The following HDAC1 variants were observed in gnomAD, a reference collection of about 807,000 sequenced individuals.
The protein encoded by HDAC1 is protein deacetylase HDAC1.
HDAC1 carries 18 observed loss-of-function variants against 65.5 expected under a neutral mutation model. The ratio of observed to expected loss-of-function variants is 0.27; its 90% CI spans 0.19 to 0.41. HDAC1 has a LOEUF of 0.41. Ranked by LOEUF, HDAC1 falls within the 10% of genes least tolerant of loss-of-function variation. HDAC1 has a pLI of 1.00. For synonymous variants in HDAC1, 211 were observed against 227.9 expected (o/e 0.93, Z 0.67); for missense variants, 373 against 625.2 (o/e 0.60, Z 4.30).
intron 12 of HDAC1, 51 bp downstream of exon 12, chr1:32,332,293 C>A (rs1317928919): frequency 2.0e-6 from 3 of 1,534,196 alleles, no homozygotes; most frequent in South Asian, 1.2e-5. Flanking sequence ...GAGGATGAAT[C>A]TATGTAGGGC....
At chr1:32,297,372 C>G (rs916883496) in intron 1 of HDAC1, among the ~76,000 whole-genome samples, 4 of 152,054 alleles carry the variant, frequency 2.6e-5, no homozygotes, top group African/African-American at 9.7e-5. Context: ...TGAGACCTCC[C>G]CCAGCTCTAC....
At chr1:32,299,214 T>C (rs59077963) in intron 1 of HDAC1, among the ~76,000 whole-genome samples, 9,785 of 152,126 alleles carry the variant, frequency 0.064, 1,037 homozygotes, top group African/African-American at 0.22. Context: ...TGTGCTCCCC[T>C]GTCATAGCAT....
At chr1:32,309,595 G>A (rs1023282565) in intron 2 of HDAC1, among the ~76,000 whole-genome samples, 1 of 148,486 alleles carries the variant, frequency 6.7e-6, no homozygotes, top group Admixed American at 6.9e-5. Flanking sequence ...GCTGAGGCAG[G>A]AAAATCGCTT....
At chr1:32,314,218 G>C (rs1181793973) in intron 2 of HDAC1, among the ~76,000 whole-genome samples, 3 of 152,044 alleles carry the variant, frequency 2.0e-5, no homozygotes, top group Non-Finnish European at 4.4e-5. Context: ...TTGAGACGGG[G>C]TCTTGCTCTG....
intron 2 of HDAC1, among the ~76,000 whole-genome samples, chr1:32,312,927 C>T (rs566661490): frequency 2.5e-4 from 38 of 152,230 alleles, no homozygotes; most frequent in Non-Finnish European, 4.4e-4. Context: ...CCTCCCACCT[C>T]GGCCTCCCAA....
At position 32,310,065 on chromosome 1, in the gene HDAC1, G is replaced by C. The variant is rs940797131; in HGVS notation, c.163-6600G>C. Among the ~76,000 whole-genome samples, 21 of 152,328 alleles carry C rather than the reference G, an allele frequency of 1.4e-4. No homozygotes were observed. In the East Asian group the frequency reaches 3.1e-3, roughly 22 times the overall value. On this transcript the variant is annotated intron_variant, in intron 2 of 13. Transcript: ENST00000373548. ...AAAGTATTTTAAGGGCATTAGGTTA[G>C]TGGCCAACCTTTAAAAAATGAAATT... is the stretch of plus-strand genomic sequence containing the variant.
chr1:32,316,731 C>G lies in HDAC1; in HGVS notation c.229C>G (p.Arg77Gly). The G allele has an allele frequency of 5.6e-6, 9 of 1,613,800 alleles. No homozygotes were observed. Among genetic ancestry groups the G allele is most frequent in the Non-Finnish European group, 7.6e-6 (9 of 1,179,728 alleles). ...YHSDDYIKFL[R>G]SIRPDNMSEY... ...CAGCGATGACTACATTAAATTCTTG[C>G]GCTCCATCCGTCCAGATAACATGTC... Residue 77 changes from arginine (R) to glycine (G), a missense_variant, in exon 3 of 14, where the codon CGC (arginine) becomes GGC (glycine). By Grantham distance (125) the Arg-to-Gly change is moderately radical (BLOSUM62 -2). Coordinates refer to ENST00000373548, the MANE Select transcript of HDAC1 (RefSeq NM_004964.3).
intron 2 of HDAC1, among the ~76,000 whole-genome samples, chr1:32,314,979 A>C (rs2148064260): frequency 6.6e-6 from 1 of 152,312 alleles, no homozygotes; most frequent in Non-Finnish European, 1.5e-5. Context: ...GCCTATGGTA[A>C]AATTGGTTTC....
At chr1:32,310,897 GGAGA>G (rs900857899) in intron 2 of HDAC1, among the ~76,000 whole-genome samples, 1 of 149,790 alleles carries the variant, frequency 6.7e-6, no homozygotes, top group Non-Finnish European at 1.5e-5. Flanking sequence ...GGAGAGGGAG[GGAGA>G]GAGAGAAAGA....
intron 4 of HDAC1, among the ~76,000 whole-genome samples, chr1:32,324,958 C>A (rs2148069271): frequency 6.6e-6 from 1 of 151,952 alleles, no homozygotes; most frequent in East Asian, 1.9e-4. Context: ...AAAGCAAGAC[C>A]CTGCCTCCAA....
chr1:32,317,238 C>G (rs1274734376), intron 3 of HDAC1, among the ~76,000 whole-genome samples: 1 of 152,134 alleles, frequency 6.6e-6, no homozygotes, highest in Non-Finnish European at 1.5e-5. Flanking sequence ...AGGACAGATT[C>G]TAGATGGTGT....
rs140350637 is a variant in HDAC1 at position 32,332,805 on chromosome 1, G to C, written c.1421+56G>C. 43 of 1,449,116 alleles carry C rather than the reference G, an allele frequency of 3.0e-5. No individual in the cohort carries two copies. In the African/African-American group the frequency reaches 4.9e-4, roughly 17 times the overall value. 89.8% of individuals were successfully genotyped at this position (1,449,116 alleles called of 1,614,324 possible). A position where few individuals can be genotyped will look rare whatever the true frequency, so the allele number is the denominator to read the frequency against. On this transcript the variant is annotated intron_variant, in intron 13 of 13. Coordinates refer to ENST00000373548, the MANE Select transcript of HDAC1 (RefSeq NM_004964.3). ...CTGGCATTGGAGCACCAGCCCCTTTGTCCCACCACTCTGAGGAAAGGCACA... is the reference window on the plus strand; with the variant it reads ...CTGGCATTGGAGCACCAGCCCCTTTCTCCCACCACTCTGAGGAAAGGCACA...
At chr1:32,309,682 A>G (rs921961590) in intron 2 of HDAC1, among the ~76,000 whole-genome samples, 3 of 144,006 alleles carry the variant, frequency 2.1e-5, no homozygotes, top group Non-Finnish European at 1.5e-5. Flanking sequence ...GCGAGTCTCA[A>G]AAAAAAAAAA....
At chr1:32,326,253 T>G (rs539197542) in intron 4 of HDAC1, among the ~76,000 whole-genome samples, 2 of 151,528 alleles carry the variant, frequency 1.3e-5, no homozygotes, top group Non-Finnish European at 2.9e-5. Flanking sequence ...CTCCGCCTCC[T>G]GGGTTCAAGC....
Position 32,333,167 on chromosome 1 carries a change from A to T in HDAC1, c.*123A>T, listed in dbSNP as rs983414503. On this transcript the variant is annotated 3_prime_UTR_variant, in exon 14 of 14. Transcript: ENST00000373548. ...AAATTTATTAAATATAAATATCCCC[A>T]GGGACAGAAACCAAGGCCCCGAGCT... 1 of 840,400 alleles carries T rather than the reference A, an allele frequency of 1.2e-6. No homozygotes were observed. The highest frequency in any genetic ancestry group is 1.7e-5 in the African/African-American group (1 of 57,602). The allele number at this position is 840,400 out of a possible 1,614,324, so 52.1% of individuals were successfully genotyped here.
At chr1:32,297,445 A>T (rs1223984007) in intron 1 of HDAC1, among the ~76,000 whole-genome samples, 1 of 152,022 alleles carries the variant, frequency 6.6e-6, no homozygotes, top group Non-Finnish European at 1.5e-5. Flanking sequence ...GCTACTTGGG[A>T]GGTTGAGGTG....
intron 1 of HDAC1, among the ~76,000 whole-genome samples, chr1:32,301,043 AAG>A (rs1004528184): frequency 2.0e-5 from 3 of 151,654 alleles, no homozygotes; most frequent in Non-Finnish European, 2.9e-5. Flanking sequence ...GTCTAGAGCA[AAG>A]AGAGAGAGAG....
chr1:32,331,134 T>G lies in HDAC1; in HGVS notation c.979+226T>G, dbSNP rs1641285725. On this transcript the variant is annotated intron_variant, in intron 9 of 13. Transcript: ENST00000373548. The surrounding 1 kb of genome is among the most constrained non-coding windows in gnomAD (Gnocchi z 4.2). The stretch of plus-strand genomic sequence containing the variant: ...CCTCCTGCTTTTGGTCTGGACAAAG[T>G]TCTCATTGGTAATTTACAGCTTTGG... 6.6e-6 allele frequency among the ~76,000 whole-genome samples: 1 copy of G among 152,174 alleles called. No homozygotes were observed. Among genetic ancestry groups the G allele is most frequent in the Non-Finnish European group, 1.5e-5 (1 of 68,020 alleles).
intron 2 of HDAC1, among the ~76,000 whole-genome samples, chr1:32,310,852 A>C (rs1640980560): frequency 1.3e-5 from 2 of 151,614 alleles, no homozygotes; most frequent in Non-Finnish European, 2.9e-5. Flanking sequence ...TCGGTGAAAA[A>C]AAGAAAAAAA....
Sources: gnomAD v4.1 joint callset for allele counts (sites outside exome capture counted in the v4.1 genomes callset) on GRCh38, gnomAD v4.1.1 for gene constraint, Gnocchi (gnomAD v3.1) non-coding constraint, MANE v1.5 for transcripts, NCBI Gene and HGNC (gene_info 2026-07-23, HGNC 2026-07-21) for gene names.